RAD18: variants seen among roughly 807,000 people sequenced by gnomAD.
RAD18 encodes E3 ubiquitin-protein ligase RAD18.
RAD18 carries 47 observed loss-of-function variants against 60.4 expected under a neutral mutation model. The ratio of observed to expected loss-of-function variants is 0.78; its 90% CI spans 0.62 to 0.99. The LOEUF (loss-of-function observed/expected upper bound fraction) is 0.99, where lower values mean the gene tolerates loss of function less well. Ranked by LOEUF, RAD18 falls within the 50% of genes least tolerant of loss-of-function variation. RAD18 has a pLI of 0.00. For missense variants in RAD18, 640 were observed against 593.3 expected (o/e 1.08, Z -0.82); for synonymous variants, 225 against 195.5 (o/e 1.15, Z -1.26).
intron 7 of RAD18, among the ~76,000 whole-genome samples, chr3:8,934,011 A>T (rs1308771459): frequency 6.6e-6 from 1 of 152,252 alleles, no homozygotes; most frequent in South Asian, 2.1e-4. Flanking sequence ...GCTGATTCTC[A>T]GCCAAGACTT....
rs1940888790 is a variant in RAD18, at chr3:8,949,201, T to C, written c.134-631A>G. ...ACCACACTCAAGGCAGTGTAAATGT[T>C]CTCCCAGTCAAAGACAAAGCAGATG... On this transcript the variant is annotated intron_variant, in intron 2 of 12. Transcript: ENST00000264926. 2.6e-5 allele frequency among the ~76,000 whole-genome samples: 4 copies of C among 152,170 alleles called. No homozygotes were observed. In the South Asian group the frequency reaches 8.3e-4, roughly 32 times the overall value.
intron 9 of RAD18, among the ~76,000 whole-genome samples, chr3:8,904,493 T>C (rs1036271058): frequency 3.3e-5 from 5 of 152,178 alleles, no homozygotes; most frequent in Non-Finnish European, 5.9e-5. Context: ...ATAAAATGTA[T>C]GGCATATTTT....
At chr3:8,951,915 G>C (rs1940931611) in intron 2 of RAD18, among the ~76,000 whole-genome samples, 1 of 152,210 alleles carries the variant, frequency 6.6e-6, no homozygotes, top group African/African-American at 2.4e-5. Flanking sequence ...ACAACCACCT[G>C]CTCACTGCGT....
At chr3:8,923,707 G>C (rs1055636996) in intron 7 of RAD18, among the ~76,000 whole-genome samples, 2 of 152,226 alleles carry the variant, frequency 1.3e-5, no homozygotes, top group Non-Finnish European at 2.9e-5. Flanking sequence ...CAGACTAACA[G>C]CTGATCTCCT....
chr3:8,927,912 G>T (rs1162033508), intron 7 of RAD18, among the ~76,000 whole-genome samples: 5 of 151,804 alleles, frequency 3.3e-5, no homozygotes, highest in African/African-American at 1.2e-4. Context: ...GCCTGTTTTG[G>T]GGTGGGGGGA....
chr3:8,923,460 G>A (rs973590855), intron 7 of RAD18, among the ~76,000 whole-genome samples: 7 of 152,090 alleles, frequency 4.6e-5, no homozygotes, highest in African/African-American at 1.7e-4. Context: ...AAAGTGACGG[G>A]GAGAATGGAA....
intron 6 of RAD18, among the ~76,000 whole-genome samples, chr3:8,938,918 G>A (rs1408464879): frequency 1.3e-5 from 2 of 152,094 alleles, no homozygotes; most frequent in African/African-American, 4.8e-5. Flanking sequence ...TGTAACAATA[G>A]TGGACTAGCA....
At position 8,912,431 on chromosome 3, in the gene RAD18, T is replaced by C. The variant is rs961023452; in HGVS notation, c.967-59A>G. ...CTCCCCAAAATGACAAAAAGGGAAATATTACAAACCTTCAAATCTCAAATG... is the reference window on the plus strand; with the variant it reads ...CTCCCCAAAATGACAAAAAGGGAAACATTACAAACCTTCAAATCTCAAATG... On this transcript the variant is annotated intron_variant, in intron 8 of 12. Coordinates refer to ENST00000264926, the MANE Select transcript of RAD18 (RefSeq NM_020165.4). 5.0e-6 allele frequency: 6 copies of C among 1,198,224 alleles called. No individual in the cohort carries two copies. In the African/African-American group the frequency reaches 7.8e-5, roughly 16 times the overall value. The allele number at this position is 1,198,224 out of a possible 1,614,324, so 74.2% of individuals were successfully genotyped here.
intron 6 of RAD18, among the ~76,000 whole-genome samples, chr3:8,938,420 T>C (rs904311098): frequency 2.0e-5 from 3 of 152,232 alleles, no homozygotes; most frequent in African/African-American, 4.8e-5. Context: ...TGGCTCTGTC[T>C]TATTAACATG....
chr3:8,957,596 T>C (rs1941034504), intron 2 of RAD18, among the ~76,000 whole-genome samples: 2 of 152,246 alleles, frequency 1.3e-5, no homozygotes, highest in Admixed American at 6.5e-5. Flanking sequence ...GTTCATGCTC[T>C]TTCCTGTTCT....
In RAD18 at chr3:8,950,866, C is replaced by G. The variant is rs576266321; in HGVS notation, c.134-2296G>C. On this transcript the variant is annotated intron_variant, in intron 2 of 12. Coordinates refer to ENST00000264926, the MANE Select transcript of RAD18 (RefSeq NM_020165.4). ...AAGGAATGCTAGCGATAAAAAGAAC[C>G]GCTATAACAGAATGCCTTTGATAGG... Among the ~76,000 whole-genome samples the G allele has an allele frequency of 1.3e-3, 198 of 152,198 alleles. 1 individual carries two copies. Among genetic ancestry groups the G allele is most frequent in the Non-Finnish European group, 1.9e-3 (126 of 68,008 alleles).
chr3:8,883,708 T>C (rs1028201894), intron 12 of RAD18, among the ~76,000 whole-genome samples: 1 of 152,188 alleles, frequency 6.6e-6, no homozygotes, highest in East Asian at 1.9e-4. Context: ...GGAAGCTCTA[T>C]GAATGAGAGT....
chr3:8,946,639 T>C (rs1940844091), intron 4 of RAD18, among the ~76,000 whole-genome samples: 1 of 152,228 alleles, frequency 6.6e-6, no homozygotes, highest in Non-Finnish European at 1.5e-5. Flanking sequence ...CTGAGCTTTA[T>C]AAAGTACAAG....
chr3:8,921,232 A>G (rs1470279285), intron 7 of RAD18, among the ~76,000 whole-genome samples: 1 of 152,244 alleles, frequency 6.6e-6, no homozygotes, highest in Non-Finnish European at 1.5e-5. Flanking sequence ...TGCATTCACT[A>G]TGATAGTCTT....
At position 8,880,590 on chromosome 3, in the gene RAD18, T is replaced by G. The variant is rs1212240683; in HGVS notation, c.*767A>C. 6.6e-6 allele frequency: 1 copy of G among 152,226 alleles called. No homozygotes were observed. The highest frequency in any genetic ancestry group is 2.4e-5 in the African/African-American group (1 of 41,468). The allele number at this position is 152,226 out of a possible 1,614,324, so 9.4% of individuals were successfully genotyped here. On this transcript the variant is annotated 3_prime_UTR_variant, in exon 13 of 13. Coordinates refer to ENST00000264926, the MANE Select transcript of RAD18 (RefSeq NM_020165.4). The stretch of plus-strand genomic sequence containing the variant: ...GATACTCTCTATTCATTTACAAAAT[T>G]CATTCATTGCATACTTTTTGTTTAA...
chr3:8,909,232 A>G (rs529368741), intron 9 of RAD18, among the ~76,000 whole-genome samples: 8 of 152,362 alleles, frequency 5.3e-5, no homozygotes, highest in South Asian at 4.1e-4. Flanking sequence ...AGAGGTAGGC[A>G]GGTCCAGATA....
At chr3:8,911,651 C>A (rs2125054638) in intron 9 of RAD18, among the ~76,000 whole-genome samples, 1 of 152,274 alleles carries the variant, frequency 6.6e-6, no homozygotes, top group East Asian at 1.9e-4. Context: ...CCTGGCCCTT[C>A]AGAGTTTAAG....
Position 8,912,340 on chromosome 3 carries a change from C to T in RAD18, c.999G>A (p.Lys333=). The T allele has an allele frequency of 1.3e-6, 2 of 1,564,718 alleles. No individual in the cohort carries two copies. The highest frequency in any genetic ancestry group is 1.2e-5 in the South Asian group (1 of 82,134). ...VMVFTKDQTE[K]EIDEIHSKYR... ...ATTTACTGTGGATTTCATCTATTTC[C>T]TTTTCTGTTTGGTCCTTTGTAAAAA... The change falls in exon 9 of 13, where the codon AAG becomes AAA. Residue 333 remains lysine, a synonymous_variant. Coordinates refer to ENST00000264926, the MANE Select transcript of RAD18 (RefSeq NM_020165.4).
chr3:8,943,064 T>C (rs1449320711), intron 4 of RAD18, among the ~76,000 whole-genome samples: 2 of 151,978 alleles, frequency 1.3e-5, no homozygotes, highest in Non-Finnish European at 2.9e-5. Context: ...GAAAACATTA[T>C]ACCAGGCCTT....
Sources: allele counts gnomAD v4.1 joint callset (sites outside exome capture counted in the v4.1 genomes callset), GRCh38; gene constraint gnomAD v4.1.1; transcripts MANE v1.5; gene names NCBI Gene and HGNC (gene_info 2026-07-23, HGNC 2026-07-21).